The following SLC39A11 variants were observed in gnomAD, a reference collection of about 807,000 sequenced individuals.
SLC39A11 encodes solute carrier family 39 member 11, also known as zinc transporter ZIP11.
A neutral mutation model predicts 36.1 loss-of-function variants in SLC39A11; 33 were observed. The ratio of observed to expected loss-of-function variants is 0.91; its 90% CI spans 0.69 to 1.22. SLC39A11 has a LOEUF of 1.22. Among genes scored for constraint, SLC39A11 ranks in the 50% most tolerant of loss-of-function variants. The pLI is 0.00. For synonymous variants in SLC39A11, 166 were observed against 170.3 expected, an observed-to-expected ratio of 0.97 and a Z score of 0.20; for missense variants, 432 against 430.3, an observed-to-expected ratio of 1.00 and a Z score of -0.03.
At chr17:72,902,467 T>G (rs1183751099) in intron 5 of SLC39A11, among the ~76,000 whole-genome samples, 1 of 152,192 alleles carries the variant, frequency 6.6e-6, no homozygotes, top group Non-Finnish European at 1.5e-5. Flanking sequence ...GTGGCCCTAC[T>G]GACGCCATGA....
chr17:72,977,661 G>A (rs1320122446), intron 4 of SLC39A11, among the ~76,000 whole-genome samples: 1 of 152,148 alleles, frequency 6.6e-6, no homozygotes, highest in Non-Finnish European at 1.5e-5. Flanking sequence ...CTAGGGACAT[G>A]TGGGAAAGAA....
intron 7 of SLC39A11, among the ~76,000 whole-genome samples, chr17:72,736,210 T>C (rs1047576763): frequency 1.3e-5 from 2 of 151,760 alleles, no homozygotes; most frequent in African/African-American, 4.8e-5. Flanking sequence ...GAACAGGCCA[T>C]AGGATGACAA....
Position 72,647,582 on chromosome 17 carries a change from C to T in SLC39A11, c.*2G>A. ...TTTCCCGGGGTCCGAAGCGTCTCAG[C>T]CCTAGCCCAGGCCAACGTCCAGTGA... On this transcript the variant is annotated 3_prime_UTR_variant, in exon 10 of 10. Coordinates refer to ENST00000255559, the MANE Select transcript of SLC39A11 (RefSeq NM_139177.4). 1 of 1,613,552 alleles carries T rather than the reference C, an allele frequency of 6.2e-7. No individual in the cohort carries two copies. Among genetic ancestry groups the T allele is most frequent in the African/African-American group, 1.3e-5 (1 of 75,034 alleles).
At chr17:73,059,463 T>A (rs1189243214) in intron 3 of SLC39A11, among the ~76,000 whole-genome samples, 6 of 151,978 alleles carry the variant, frequency 3.9e-5, no homozygotes, top group African/African-American at 1.5e-4. Flanking sequence ...GGTCAGGAGT[T>A]CGAGACCAGC....
chr17:72,973,044 C>T (rs1395918548), intron 4 of SLC39A11, among the ~76,000 whole-genome samples: 1 of 151,586 alleles, frequency 6.6e-6, no homozygotes, highest in Non-Finnish European at 1.5e-5. Context: ...CCTTTGTGCC[C>T]ACATGCACAC....
chr17:72,647,771 A>G lies in SLC39A11; in HGVS notation c.930-109T>C, dbSNP rs61342866. On this transcript the variant is annotated intron_variant, in intron 9 of 9. Coordinates refer to ENST00000255559, the MANE Select transcript of SLC39A11 (RefSeq NM_139177.4). ...CAATTCCAAGAGAAAGCACACTACC[A>G]TTAATAATGGTAACATTTACTGGGG... 7.9e-3 allele frequency: 6,353 copies of G among 801,886 alleles called. 288 individuals carry two copies. In the African/African-American group the frequency reaches 0.094, roughly 12 times the overall value. The allele number at this position is 801,886 out of a possible 1,614,324, so 49.7% of individuals were successfully genotyped here. A position where few individuals can be genotyped will look rare whatever the true frequency, so the allele number is the denominator to read the frequency against.
intron 4 of SLC39A11, among the ~76,000 whole-genome samples, chr17:73,024,383 G>A (rs1006638558): frequency 2.6e-5 from 4 of 152,306 alleles, no homozygotes; most frequent in South Asian, 2.1e-4. Flanking sequence ...ATGTCCCCAC[G>A]AAACGAGTCG....
At chr17:72,933,775 C>T (rs1272539619) in intron 5 of SLC39A11, among the ~76,000 whole-genome samples, 1 of 152,206 alleles carries the variant, frequency 6.6e-6, no homozygotes, top group Non-Finnish European at 1.5e-5. Flanking sequence ...CCGACTCAGC[C>T]TCCCAAAGTG....
chr17:73,056,100 G>A (rs937722600), intron 3 of SLC39A11, among the ~76,000 whole-genome samples: 5 of 152,264 alleles, frequency 3.3e-5, no homozygotes, highest in African/African-American at 4.8e-5. Flanking sequence ...CGCTGGCCCC[G>A]TGAGGTCCCA....
intron 6 of SLC39A11, among the ~76,000 whole-genome samples, chr17:72,814,819 C>G (rs113431269): frequency 0.017 from 2,544 of 152,308 alleles, 67 homozygotes; most frequent in African/African-American, 0.058. Flanking sequence ...CTCTGAAGAG[C>G]CCTCACAATT....
At chr17:72,850,072 T>C (rs755189973) in intron 5 of SLC39A11, among the ~76,000 whole-genome samples, 6 of 151,920 alleles carry the variant, frequency 3.9e-5, no homozygotes, top group South Asian at 4.2e-4. Flanking sequence ...CACGTCACAA[T>C]TGCCCATTCC....
At chr17:72,937,664 A>G (rs2084856054) in intron 5 of SLC39A11, among the ~76,000 whole-genome samples, 1 of 151,940 alleles carries the variant, frequency 6.6e-6, no homozygotes, top group Non-Finnish European at 1.5e-5. Context: ...ACGACCTCAT[A>G]TTTGTTTCCC....
intron 6 of SLC39A11, among the ~76,000 whole-genome samples, chr17:72,799,515 A>G (rs2077012770): frequency 6.6e-6 from 1 of 152,150 alleles, no homozygotes; most frequent in South Asian, 2.1e-4. Context: ...ATATTGCTAA[A>G]TTCTTTTCCT....
intron 7 of SLC39A11, among the ~76,000 whole-genome samples, chr17:72,689,757 G>A (rs748802079): frequency 2.0e-4 from 30 of 152,154 alleles, no homozygotes; most frequent in African/African-American, 5.8e-4. Flanking sequence ...CCATAGCAAC[G>A]GTAGATGGAT....
At chr17:73,073,300 G>A (rs1014542896) in intron 3 of SLC39A11, among the ~76,000 whole-genome samples, 12 of 152,232 alleles carry the variant, frequency 7.9e-5, no homozygotes, top group Admixed American at 2.6e-4. Flanking sequence ...GAAGCAACAC[G>A]TCAGAAGGCA....
chr17:72,913,160 C>T (rs1455908114), intron 5 of SLC39A11, among the ~76,000 whole-genome samples: 1 of 151,018 alleles, frequency 6.6e-6, no homozygotes, highest in Non-Finnish European at 1.5e-5. Context: ...GGTAAGAGGG[C>T]AGGAGGAAAG....
At chr17:72,955,298 C>CTCTTTTTTT (rs757324144) in intron 4 of SLC39A11, among the ~76,000 whole-genome samples, 4 of 65,580 alleles carry the variant, frequency 6.1e-5, no homozygotes, top group African/African-American at 1.8e-4. Context: ...TTTCAGTTCT[C>CTCTTTTTTT]TTTTTTTTTT....
intron 6 of SLC39A11, among the ~76,000 whole-genome samples, chr17:72,772,941 CTGGGCATGGTGGCGAGTGCCTGT>C (rs2076001742): frequency 6.6e-6 from 1 of 152,086 alleles, no homozygotes; most frequent in East Asian, 1.9e-4. Context: ...CAAAAATTAG[CTGGGCATGGTGGCGAGTGCCTGT>C]AATCCCAGCT....
At chr17:72,648,412 G>T (rs1324346343) in intron 9 of SLC39A11, among the ~76,000 whole-genome samples, 2 of 151,310 alleles carry the variant, frequency 1.3e-5, no homozygotes, top group Non-Finnish European at 2.9e-5. Context: ...CCCACCTTCT[G>T]ACACCTGGCC....
Sources: allele counts gnomAD v4.1 joint callset (sites outside exome capture counted in the v4.1 genomes callset), GRCh38; gene constraint gnomAD v4.1.1; transcripts MANE v1.5; gene names NCBI Gene and HGNC (gene_info 2026-07-23, HGNC 2026-07-21).